BNC2: variants seen among roughly 807,000 people sequenced by gnomAD.
BNC2 encodes zinc finger protein basonuclin-2.
A neutral mutation model predicts 76.3 loss-of-function variants in BNC2; 20 were observed. The observed-to-expected ratio is 0.26, with a 90% CI of 0.18 to 0.38. The LOEUF (loss-of-function observed/expected upper bound fraction) is 0.38. BNC2 is among the 10% of genes least tolerant of loss of function. The pLI, the probability that BNC2 is intolerant of heterozygous loss-of-function variation, is 1.00. For synonymous variants in BNC2, 582 were observed against 514.8 expected (o/e 1.13, Z -1.77); for missense variants, 1,382 against 1,399.8 (o/e 0.99, Z 0.20).
At position 16,412,887 on chromosome 9, in the gene BNC2, G is replaced by C. The variant is rs1563770178; in HGVS notation, c.*6102C>G. ...ATTACGCATCCTTTTATATTTGATGGCCAAGTGCTGAACTGGAAAGCACAC... is the reference window on the plus strand; with the variant it reads ...ATTACGCATCCTTTTATATTTGATGCCCAAGTGCTGAACTGGAAAGCACAC... On this transcript the variant is annotated 3_prime_UTR_variant, in exon 7 of 7. Transcript: ENST00000380672. 1 of 152,578 alleles carries C rather than the reference G, an allele frequency of 6.6e-6. No individual in the cohort carries two copies. The highest frequency in any genetic ancestry group is 1.5e-5 in the Non-Finnish European group (1 of 68,034). 9.5% of individuals were successfully genotyped at this position (152,578 alleles called of 1,614,324 possible). A position where few individuals can be genotyped will look rare whatever the true frequency, so the allele number is the denominator to read the frequency against.
At chr9:16,581,950 C>T (rs1157414343) in intron 4 of BNC2, among the ~76,000 whole-genome samples, 2 of 152,104 alleles carry the variant, frequency 1.3e-5, no homozygotes, top group Non-Finnish European at 2.9e-5. Context: ...TGAAATGTCC[C>T]CGCAACTCCA....
chr9:16,619,022 G>T (rs1268063088), intron 3 of BNC2, among the ~76,000 whole-genome samples: 1 of 152,124 alleles, frequency 6.6e-6, no homozygotes, highest in Non-Finnish European at 1.5e-5. Context: ...ATTCTTTATT[G>T]AACACCTAAG....
intron 5 of BNC2, among the ~76,000 whole-genome samples, chr9:16,506,367 C>T (rs1822623707): frequency 6.6e-6 from 1 of 152,112 alleles, no homozygotes; most frequent in Admixed American, 6.5e-5. Flanking sequence ...TTTCCTGTGA[C>T]TCTTCTTAAT....
intron 1 of BNC2, among the ~76,000 whole-genome samples, chr9:16,742,323 G>A (rs12341271): frequency 3.9e-5 from 6 of 152,200 alleles, no homozygotes; most frequent in Non-Finnish European, 7.3e-5. Flanking sequence ...AGAGAGCCAA[G>A]TTCCACTCCT....
intron 5 of BNC2, among the ~76,000 whole-genome samples, chr9:16,448,269 C>G (rs1357840900): frequency 1.3e-5 from 2 of 152,070 alleles, no homozygotes; most frequent in Non-Finnish European, 2.9e-5. Context: ...AACATAAATG[C>G]CAGAGTCCCT....
intron 3 of BNC2, among the ~76,000 whole-genome samples, chr9:16,696,436 T>A (rs1379031208): frequency 2.6e-5 from 4 of 152,166 alleles, no homozygotes; most frequent in Non-Finnish European, 4.4e-5. Context: ...TATTCTCCCT[T>A]TGAAAATGTC....
intron 1 of BNC2, among the ~76,000 whole-genome samples, chr9:16,750,196 A>G (rs529169307): frequency 1.8e-4 from 28 of 152,352 alleles, no homozygotes; most frequent in Non-Finnish European, 3.4e-4. Flanking sequence ...GAAGCAAAAG[A>G]TAATTATAGG....
chr9:16,431,358 A>C, intron 6 of BNC2: 1 of 391,694 alleles, frequency 2.6e-6, no homozygotes, highest in South Asian at 1.9e-5. Context: ...GGGATCAAAA[A>C]TCAAGTCAGA....
intron 3 of BNC2, among the ~76,000 whole-genome samples, chr9:16,624,853 A>G (rs1440807173): frequency 6.6e-6 from 1 of 152,180 alleles, no homozygotes; most frequent in African/African-American, 2.4e-5. Flanking sequence ...GAATGCACAC[A>G]TGATAGTTTT....
chr9:16,536,716 T>C (rs765745002), intron 5 of BNC2, among the ~76,000 whole-genome samples: 7 of 152,156 alleles, frequency 4.6e-5, no homozygotes, highest in Admixed American at 2.0e-4. Context: ...AGAGAAAATA[T>C]AATAATCTTT....
chr9:16,706,950 C>T (rs1413657765), intron 3 of BNC2, among the ~76,000 whole-genome samples: 1 of 152,220 alleles, frequency 6.6e-6, no homozygotes, highest in Non-Finnish European at 1.5e-5. Flanking sequence ...CGCCTGTAAT[C>T]CCAGCACTTT....
At chr9:16,483,623 T>C (rs1018736853) in intron 5 of BNC2, among the ~76,000 whole-genome samples, 2 of 152,252 alleles carry the variant, frequency 1.3e-5, no homozygotes, top group African/African-American at 4.8e-5. Context: ...TAGCTAATTC[T>C]ATTGCTATTG....
At position 16,617,226 on chromosome 9, in the gene BNC2, C is replaced by T. The variant is rs1168975754; in HGVS notation, c.331-34141G>A. Among the ~76,000 whole-genome samples the T allele has an allele frequency of 2.6e-5, 4 of 151,962 alleles. No homozygotes were observed. The South Asian group carries it at 8.3e-4, about 32-fold the overall frequency. ...AGGTACTTCTTATAGAACAAACAAACAAACAAAAAAACCTACTTTTGAACT... is the reference window on the plus strand; with the variant it reads ...AGGTACTTCTTATAGAACAAACAAATAAACAAAAAAACCTACTTTTGAACT... On this transcript the variant is annotated intron_variant, in intron 3 of 6. Coordinates refer to ENST00000380672, the MANE Select transcript of BNC2 (RefSeq NM_017637.6).
At chr9:16,571,271 C>T (rs1048714901) in intron 4 of BNC2, among the ~76,000 whole-genome samples, 1 of 152,080 alleles carries the variant, frequency 6.6e-6, no homozygotes, top group African/African-American at 2.4e-5. Flanking sequence ...ATCCAAACAA[C>T]ACAGCTGAAC....
At chr9:16,509,648 A>G (rs1186301086) in intron 5 of BNC2, among the ~76,000 whole-genome samples, 5 of 152,238 alleles carry the variant, frequency 3.3e-5, no homozygotes, top group Non-Finnish European at 5.9e-5. Context: ...GAAGGCTTCA[A>G]AGATCTATTC....
intron 1 of BNC2, among the ~76,000 whole-genome samples, chr9:16,826,397 C>T (rs777385625): frequency 6.6e-6 from 1 of 152,046 alleles, no homozygotes; most frequent in Non-Finnish European, 1.5e-5. Flanking sequence ...TCATCCTTAA[C>T]ACAAACATTT....
chr9:16,557,794 C>G (rs1405116082), intron 4 of BNC2, among the ~76,000 whole-genome samples: 3 of 151,696 alleles, frequency 2.0e-5, no homozygotes, highest in African/African-American at 4.8e-5. Flanking sequence ...GCTACATTTC[C>G]TTTTGGGAAC....
At chr9:16,718,175 A>G (rs530904550) in intron 3 of BNC2, among the ~76,000 whole-genome samples, 1 of 152,344 alleles carries the variant, frequency 6.6e-6, no homozygotes, top group East Asian at 1.9e-4. Context: ...TGGTACATGA[A>G]AAACCAGGCT....
chr9:16,571,205 GCTT>G (rs904415857), intron 4 of BNC2, among the ~76,000 whole-genome samples: 11 of 152,140 alleles, frequency 7.2e-5, no homozygotes, highest in South Asian at 2.1e-4. Context: ...TAGTAAAAGG[GCTT>G]CTTAATAGCT....
Sources: allele counts gnomAD v4.1 joint callset (sites outside exome capture counted in the v4.1 genomes callset), GRCh38; gene constraint gnomAD v4.1.1; transcripts MANE v1.5; gene names NCBI Gene and HGNC (gene_info 2026-07-23, HGNC 2026-07-21).